HBS1L: variants seen among roughly 807,000 people sequenced by gnomAD.
HBS1L encodes the protein HBS1-like protein.
HBS1L carries 55 observed loss-of-function variants against 88.9 expected under a neutral mutation model. The ratio of observed to expected loss-of-function variants is 0.62; its 90% CI spans 0.50 to 0.77. HBS1L has a LOEUF of 0.77. Ranked by LOEUF, HBS1L falls within the 30% of genes least tolerant of loss-of-function variation. The probability of loss-of-function intolerance (pLI) is 0.00; values close to 1 mark genes in which losing one functional copy is unlikely to be tolerated. For missense variants in HBS1L, 741 were observed against 829.3 expected (o/e 0.89, Z 1.31); for synonymous variants, 267 against 288.5 (o/e 0.93, Z 0.76).
intron 15 of HBS1L, among the ~76,000 whole-genome samples, chr6:134,977,644 T>C (rs537820955): frequency 1.1e-4 from 16 of 152,074 alleles, no homozygotes; most frequent in African/African-American, 3.4e-4. Context: ...ATCTCAAATA[T>C]AGGTGTATCA....
intron 15 of HBS1L, among the ~76,000 whole-genome samples, chr6:134,972,304 C>T (rs1161444526): frequency 6.6e-6 from 1 of 152,080 alleles, no homozygotes; most frequent in Non-Finnish European, 1.5e-5. Flanking sequence ...TTAACAAATA[C>T]ATAGTCAATT....
chr6:135,043,343 CATGTT>C (rs1162421530), intron 2 of HBS1L, among the ~76,000 whole-genome samples: 2 of 152,128 alleles, frequency 1.3e-5, no homozygotes, highest in Non-Finnish European at 2.9e-5. Context: ...GAGCACAAAA[CATGTT>C]AAGTTCATTG....
In HBS1L at chr6:135,024,439, CAAA is replaced by C. The variant is rs60663059; in HGVS notation, c.430+15131_430+15133del. Among the ~76,000 whole-genome samples the C allele has an allele frequency of 1.1e-3, 74 of 66,480 alleles. No individual in the cohort carries two copies. In the East Asian group the frequency reaches 0.024, roughly 21 times the overall value. The allele number at this position is 66,480 out of a possible 152,430, so 43.6% of individuals were successfully genotyped here. On this transcript the variant is annotated intron_variant, in intron 4 of 17. Coordinates refer to ENST00000367837, the MANE Select transcript of HBS1L (RefSeq NM_006620.4). The stretch of plus-strand genomic sequence containing the variant: ...TGGGTGACAGAGTGAGACTTCGTCT[CAAA>C]AAAAAAAAAAAAAAAAAAAACACAA...
chr6:134,991,923 C>T (rs1775150096), intron 8 of HBS1L, among the ~76,000 whole-genome samples: 1 of 152,028 alleles, frequency 6.6e-6, no homozygotes, highest in Admixed American at 6.6e-5. Context: ...AAAAAATTAG[C>T]CAGGCATGGT....
chr6:135,018,049 T>C (rs533773510), intron 4 of HBS1L, among the ~76,000 whole-genome samples: 1 of 152,016 alleles, frequency 6.6e-6, no homozygotes, highest in South Asian at 2.1e-4. Context: ...AATTGCTATT[T>C]TTCCTATAAA....
Position 134,996,761 on chromosome 6 carries a change from G to T in HBS1L, c.965+16C>A. On this transcript the variant is annotated intron_variant, in intron 7 of 17. Transcript: ENST00000367837. ...TGTATGATTTCAAACTGAAAATTTT[G>T]AAATATAGTGACTACCTTTCCCTTT... 6.4e-7 allele frequency: 1 copy of T among 1,556,946 alleles called. No homozygotes were observed. The highest frequency in any genetic ancestry group is 1.2e-5 in the South Asian group (1 of 80,644).
intron 15 of HBS1L, among the ~76,000 whole-genome samples, chr6:134,974,111 G>A (rs1261191455): frequency 6.6e-6 from 1 of 152,066 alleles, no homozygotes; most frequent in Non-Finnish European, 1.5e-5. Context: ...AAGATCATTT[G>A]AGACTACTAT....
chr6:134,972,150 A>G (rs1292700032), intron 15 of HBS1L, among the ~76,000 whole-genome samples: 1 of 152,204 alleles, frequency 6.6e-6, no homozygotes, highest in Non-Finnish European at 1.5e-5. Context: ...GGTTTCAGGT[A>G]AAGGCTGGGA....
At chr6:134,975,328 C>T (rs79876943) in intron 15 of HBS1L, among the ~76,000 whole-genome samples, 2,105 of 152,190 alleles carry the variant, frequency 0.014, 65 homozygotes, top group African/African-American at 0.048. Context: ...ATGGAAGAGA[C>T]CACATTGCCC....
chr6:135,032,482 T>C (rs547149413), intron 4 of HBS1L, among the ~76,000 whole-genome samples: 7 of 152,282 alleles, frequency 4.6e-5, no homozygotes, highest in African/African-American at 1.7e-4. Context: ...TCCACATTTA[T>C]ATATAATCTG....
chr6:135,009,817 T>G (rs1296228788), intron 4 of HBS1L, among the ~76,000 whole-genome samples: 1 of 146,144 alleles, frequency 6.8e-6, no homozygotes, highest in Non-Finnish European at 1.5e-5. Flanking sequence ...TTTTTTTTTG[T>G]ATTTTTAGTA....
intron 7 of HBS1L, among the ~76,000 whole-genome samples, chr6:134,996,154 A>T (rs1775282756): frequency 6.6e-6 from 1 of 152,106 alleles, no homozygotes; most frequent in Non-Finnish European, 1.5e-5. Flanking sequence ...CTCCTACCCT[A>T]GCTACCCTAA....
chr6:134,996,198 A>T (rs1462002577), intron 7 of HBS1L, among the ~76,000 whole-genome samples: 2 of 152,190 alleles, frequency 1.3e-5, no homozygotes, highest in African/African-American at 4.8e-5. Flanking sequence ...AAGGACTTCA[A>T]AAGAAATACT....
chr6:134,990,813 A>G (rs1775111106), intron 8 of HBS1L, among the ~76,000 whole-genome samples: 1 of 152,130 alleles, frequency 6.6e-6, no homozygotes, highest in Admixed American at 6.5e-5. Context: ...CAGCCTCCCA[A>G]AGTGCTGGGA....
At chr6:135,048,973 G>T (rs1776996646) in intron 2 of HBS1L, among the ~76,000 whole-genome samples, 1 of 152,132 alleles carries the variant, frequency 6.6e-6, no homozygotes, top group African/African-American at 2.4e-5. Flanking sequence ...CAAAGAAAAA[G>T]AAATTATAAA....
At chr6:134,979,316 A>C (rs1774749087) in intron 13 of HBS1L, 48 bp from the exon 14 acceptor site, 2 of 1,348,102 alleles carry the variant, frequency 1.5e-6, no homozygotes, top group Non-Finnish European at 2.1e-6. Flanking sequence ...CCTCGATATC[A>C]AACCATAACA....
intron 15 of HBS1L, among the ~76,000 whole-genome samples, chr6:134,974,259 T>TA (rs1214019646): frequency 6.7e-5 from 10 of 149,236 alleles, no homozygotes; most frequent in South Asian, 2.1e-4. Flanking sequence ...AAATCAGTAA[T>TA]AAAAAAAAAA....
intron 1 of HBS1L, among the ~76,000 whole-genome samples, chr6:135,051,141 A>C (rs1181440778): frequency 6.6e-6 from 1 of 152,018 alleles, no homozygotes; most frequent in Non-Finnish European, 1.5e-5. Flanking sequence ...CAGGAGAATC[A>C]CTTGAACCCA....
At chr6:135,037,891 T>C in intron 4 of HBS1L, 1 of 1,551,208 alleles carries the variant, frequency 6.4e-7, no homozygotes, top group Non-Finnish European at 8.7e-7. Flanking sequence ...AACTGAAGAA[T>C]TATGAGATAA....
Sources: allele counts gnomAD v4.1 joint callset (sites outside exome capture counted in the v4.1 genomes callset), GRCh38; gene constraint gnomAD v4.1.1; transcripts MANE v1.5; gene names NCBI Gene and HGNC (gene_info 2026-07-23, HGNC 2026-07-21).